DPCD: variants seen among roughly 807,000 people sequenced by gnomAD.
DPCD encodes the protein deleted in primary ciliary dyskinesia homolog (mouse).
DPCD carries 20 observed loss-of-function variants against 26.4 expected under a neutral mutation model. The observed-to-expected ratio is 0.76, with a 90% confidence interval of 0.53 to 1.10. The LOEUF (loss-of-function observed/expected upper bound fraction) is 1.10. DPCD is among the 50% of genes least tolerant of loss of function. The pLI is 0.00. For missense variants in DPCD, 202 were observed against 253.9 expected, an observed-to-expected ratio of 0.80 and a Z score of 1.39; for synonymous variants, 97 against 94.2, an observed-to-expected ratio of 1.03 and a Z score of -0.17.
Position 101,600,590 on chromosome 10 carries a change from G to A in DPCD, c.146-148G>A. On this transcript the variant is annotated intron_variant, in intron 2 of 5. Transcript: ENST00000370151. This position sits in a 1 kb window ranked among gnomAD's most constrained non-coding sequence, Gnocchi z 4.7. ...TGAGGTCCCTCCTTAGATTAACAAA[G>A]CTGAGAGTAAAGGCCCAACACTCCC... 1 of 1,236,886 alleles carries A rather than the reference G, an allele frequency of 8.1e-7. No individual in the cohort carries two copies. Among genetic ancestry groups the A allele is most frequent in the South Asian group, 1.6e-5 (1 of 61,128 alleles). 76.6% of individuals were successfully genotyped at this position (1,236,886 alleles called of 1,614,324 possible).
intron 1 of DPCD, among the ~76,000 whole-genome samples, chr10:101,591,037 T>G (rs1361036689): frequency 6.6e-6 from 1 of 152,218 alleles, no homozygotes; most frequent in African/African-American, 2.4e-5. Context: ...ATATCGTTCA[T>G]AAAGTAAACC....
At chr10:101,593,252 G>A (rs918832951) in intron 1 of DPCD, among the ~76,000 whole-genome samples, 13 of 152,116 alleles carry the variant, frequency 8.5e-5, no homozygotes, top group African/African-American at 2.9e-4. Context: ...TAATGCCTGT[G>A]AGCCATCCAA....
intron 2 of DPCD, among the ~76,000 whole-genome samples, chr10:101,596,951 A>G (rs1171454374): frequency 1.3e-5 from 2 of 152,242 alleles, no homozygotes; most frequent in Non-Finnish European, 2.9e-5. Flanking sequence ...AGTCTGGGAC[A>G]GAGTTCCTCC....
chr10:101,601,661 T>C (rs1270761700), intron 4 of DPCD, among the ~76,000 whole-genome samples: 1 of 151,984 alleles, frequency 6.6e-6, no homozygotes, highest in African/African-American at 2.4e-5. Flanking sequence ...AAGGTTATTA[T>C]GACCTTGGTC....
intron 2 of DPCD, among the ~76,000 whole-genome samples, chr10:101,598,727 C>T (rs903660338): frequency 2.7e-5 from 4 of 147,062 alleles, no homozygotes; most frequent in African/African-American, 1.0e-4. Context: ...CAGGTTCAAG[C>T]GATTCTCCTG....
intron 4 of DPCD, among the ~76,000 whole-genome samples, chr10:101,607,429 T>A (rs990626129): frequency 2.6e-5 from 4 of 152,036 alleles, no homozygotes; most frequent in African/African-American, 9.7e-5. Context: ...GCCATTAGGA[T>A]CCCCCAGCCC....
At position 101,609,564 on chromosome 10, in the gene DPCD, G is replaced by A; in HGVS notation, c.*93G>A. The A allele has an allele frequency of 9.0e-7, 1 of 1,112,158 alleles. No individual in the cohort carries two copies. The highest frequency in any genetic ancestry group is 2.5e-5 in the East Asian group (1 of 40,420). The allele number at this position is 1,112,158 out of a possible 1,614,324, so 68.9% of individuals were successfully genotyped here. ...ACCACGGCAGCCTCCTGTCTTCTAG[G>A]AGCTATCAAGGGTCTCTAAGAACTG... is the stretch of plus-strand genomic sequence containing the variant. On this transcript the variant is annotated 3_prime_UTR_variant, in exon 6 of 6. Transcript: ENST00000370151.
intron 4 of DPCD, among the ~76,000 whole-genome samples, chr10:101,604,534 C>T (rs1307189980): frequency 6.6e-6 from 1 of 152,198 alleles, no homozygotes; most frequent in Non-Finnish European, 1.5e-5. Context: ...CTTGGCCTCA[C>T]ATATTAGTGA....
intron 2 of DPCD, among the ~76,000 whole-genome samples, chr10:101,597,173 AT>A (rs2063658896): frequency 6.6e-6 from 1 of 152,324 alleles, no homozygotes; most frequent in East Asian, 1.9e-4. Context: ...CAGCGATTAC[AT>A]TCGGATTACC....
At chr10:101,605,783 A>G (rs969195169) in intron 4 of DPCD, among the ~76,000 whole-genome samples, 2 of 152,130 alleles carry the variant, frequency 1.3e-5, no homozygotes, top group African/African-American at 2.4e-5. Flanking sequence ...ATGGCGGGCT[A>G]TTACTTTGTG....
chr10:101,595,976 C>T (rs1455461828), intron 2 of DPCD, among the ~76,000 whole-genome samples: 1 of 152,196 alleles, frequency 6.6e-6, no homozygotes, highest in South Asian at 2.1e-4. Context: ...GCTCCTCACT[C>T]CCAGCCCCCC....
At chr10:101,597,378 A>C (rs1297034582) in intron 2 of DPCD, among the ~76,000 whole-genome samples, 1 of 152,252 alleles carries the variant, frequency 6.6e-6, no homozygotes, top group East Asian at 1.9e-4. Context: ...TTTAAGGCAG[A>C]AAAGAAGAAT....
At chr10:101,592,429 A>G (rs1452524057) in intron 1 of DPCD, among the ~76,000 whole-genome samples, 1 of 152,136 alleles carries the variant, frequency 6.6e-6, no homozygotes, top group Non-Finnish European at 1.5e-5. Flanking sequence ...CACTTTAAAC[A>G]AAGTTAAGGG....
chr10:101,594,884 TC>T, intron 2 of DPCD, 146 bp downstream of exon 2: 1 of 716,634 alleles, frequency 1.4e-6, no homozygotes, highest in South Asian at 1.9e-5. Context: ...ACAACAACGT[TC>T]CTGAGCATAA....
At chr10:101,602,317 C>T (rs1178492220) in intron 4 of DPCD, among the ~76,000 whole-genome samples, 4 of 152,204 alleles carry the variant, frequency 2.6e-5, no homozygotes, top group Admixed American at 6.5e-5. Flanking sequence ...TCTCCCCTTC[C>T]ATCTCCCTCA....
chr10:101,594,536 G>T (rs1055610115), intron 1 of DPCD, 122 bp from the exon 2 acceptor site: 9 of 849,824 alleles, frequency 1.1e-5, no homozygotes, highest in Non-Finnish European at 1.6e-5. Context: ...AGTTTGGGGA[G>T]GTCCTGGCTG....
At position 101,603,450 on chromosome 10, in the gene DPCD, AT is replaced by A. The variant is rs916721165; in HGVS notation, c.404+2124del. On this transcript the variant is annotated intron_variant, in intron 4 of 5. Transcript: ENST00000370151. The surrounding 1 kb of genome is among the most constrained non-coding windows in gnomAD (Gnocchi z 4.6). ...TTTTTATTTTTATTTTTATTTATTT[AT>A]TTTTTTTTTAAGAGATGGAGTCTTG... Among the ~76,000 whole-genome samples, 44 of 148,334 alleles carry A rather than the reference AT, an allele frequency of 3.0e-4. No homozygotes were observed. The highest frequency in any genetic ancestry group is 5.7e-4 in the African/African-American group (23 of 40,494).
rs1564893343 is a variant in DPCD at position 101,598,638 on chromosome 10, T to TG, written c.146-2100_146-2099insG. Among the ~76,000 whole-genome samples the TG allele has an allele frequency of 1.6e-5, 2 of 125,316 alleles. 1 individual carries two copies. The highest frequency in any genetic ancestry group is 3.3e-5 in the Non-Finnish European group (2 of 61,252). 82.2% of individuals were successfully genotyped at this position (125,316 alleles called of 152,430 possible). A position where few individuals can be genotyped will look rare whatever the true frequency, so the allele number is the denominator to read the frequency against. On this transcript the variant is annotated intron_variant, in intron 2 of 5. Coordinates refer to ENST00000370151, the MANE Select transcript of DPCD (RefSeq NM_015448.3). ...TTTTTTTTTTTTTTTTTTTTTTTTT[T>TG]TTTGAGACGGAGTTTCACTCTTGTT... is the stretch of plus-strand genomic sequence containing the variant.
At chr10:101,601,473 T>A in intron 4 of DPCD, 137 bp downstream of exon 4, 3 of 184,132 alleles carry the variant, frequency 1.6e-5, no homozygotes, top group Non-Finnish European at 3.3e-5. Flanking sequence ...TGGAAGGGCT[T>A]CCTCTCTGCA....
Sources: gnomAD v4.1 joint callset for allele counts (sites outside exome capture counted in the v4.1 genomes callset) on GRCh38, gnomAD v4.1.1 for gene constraint, Gnocchi (gnomAD v3.1) non-coding constraint, MANE v1.5 for transcripts, NCBI Gene and HGNC (gene_info 2026-07-23, HGNC 2026-07-21) for gene names.